LRRTM3: variants seen among roughly 807,000 people sequenced by gnomAD.
LRRTM3 encodes the protein leucine-rich repeat transmembrane neuronal protein 3.
Under a neutral mutation model 44.7 loss-of-function variants are expected in LRRTM3, and 24 were observed. The ratio of observed to expected loss-of-function variants is 0.54; its 90% confidence interval spans 0.39 to 0.76. LRRTM3 has a LOEUF of 0.76. Among genes scored for constraint, LRRTM3 ranks in the 30% least tolerant of loss-of-function variants. The pLI is 0.00. For synonymous variants in LRRTM3, 277 were observed against 278.7 expected (o/e 0.99, Z 0.06); for missense variants, 587 against 702.2 (o/e 0.84, Z 1.85).
chr10:66,998,420 CA>C (rs1400315422), intron 2 of LRRTM3, among the ~76,000 whole-genome samples: 3 of 152,048 alleles, frequency 2.0e-5, no homozygotes, highest in Non-Finnish European at 4.4e-5. Context: ...CAAAATATAT[CA>C]ATAACCCAAT....
At chr10:66,963,560 T>C (rs1169518004) in intron 2 of LRRTM3, among the ~76,000 whole-genome samples, 1 of 152,156 alleles carries the variant, frequency 6.6e-6, no homozygotes, top group Non-Finnish European at 1.5e-5. Context: ...TCAGATGAAC[T>C]GATCACCTGC....
At chr10:67,085,186 T>A (rs1857232912) in intron 2 of LRRTM3, among the ~76,000 whole-genome samples, 1 of 151,986 alleles carries the variant, frequency 6.6e-6, no homozygotes, top group African/African-American at 2.4e-5. Flanking sequence ...ACATTTTTTA[T>A]GTAGTTTATT....
chr10:67,050,146 G>T (rs906072733), intron 2 of LRRTM3, among the ~76,000 whole-genome samples: 3 of 152,130 alleles, frequency 2.0e-5, no homozygotes, highest in Non-Finnish European at 4.4e-5. Context: ...AAACTTTTCT[G>T]CTGTGTTGCA....
At chr10:66,947,990 G>A (rs1848359071) in intron 2 of LRRTM3, among the ~76,000 whole-genome samples, 1 of 152,210 alleles carries the variant, frequency 6.6e-6, no homozygotes, top group African/African-American at 2.4e-5. Flanking sequence ...GAACTTACTT[G>A]TATAGCAAGT....
intron 2 of LRRTM3, among the ~76,000 whole-genome samples, chr10:67,036,923 A>T (rs909651830): frequency 6.6e-6 from 1 of 152,190 alleles, no homozygotes; most frequent in Non-Finnish European, 1.5e-5. Flanking sequence ...AGGAAAGGGT[A>T]GTTGTTTTAA....
chr10:67,045,729 C>G (rs547726077), intron 2 of LRRTM3, among the ~76,000 whole-genome samples: 1 of 152,236 alleles, frequency 6.6e-6, no homozygotes, highest in South Asian at 2.1e-4. Flanking sequence ...CCGAGACCAG[C>G]CAAGGCCCCC....
chr10:66,935,343 G>C (rs1391905995), intron 2 of LRRTM3, among the ~76,000 whole-genome samples: 1 of 152,056 alleles, frequency 6.6e-6, no homozygotes, highest in African/African-American at 2.4e-5. Flanking sequence ...GAAAACTCTA[G>C]GAAGTTTACC....
intron 2 of LRRTM3, among the ~76,000 whole-genome samples, chr10:67,035,171 T>A (rs539413279): frequency 4.1e-4 from 62 of 152,342 alleles, no homozygotes; most frequent in South Asian, 1.0e-3. Flanking sequence ...TACAAGTTCC[T>A]TACCCATATG....
chr10:66,954,244 T>C (rs770919840), intron 2 of LRRTM3, among the ~76,000 whole-genome samples: 6 of 152,204 alleles, frequency 3.9e-5, no homozygotes, highest in Non-Finnish European at 8.8e-5. Context: ...TGTAACCATA[T>C]AGTATTTGAC....
At position 67,060,773 on chromosome 10, in the gene LRRTM3, G is replaced by A. The variant is rs976147073; in HGVS notation, c.1537-36814G>A. Among the ~76,000 whole-genome samples the A allele has an allele frequency of 2.0e-5, 3 of 152,192 alleles. No individual in the cohort carries two copies. In the East Asian group the frequency reaches 5.8e-4, roughly 29 times the overall value. ...TGCCTCTGTCAGCCTAGGTTCCTGA[G>A]TGACTATGGTCCTTAAAACTAGGTG... On this transcript the variant is annotated intron_variant, in intron 2 of 2. Coordinates refer to ENST00000361320, the MANE Select transcript of LRRTM3 (RefSeq NM_178011.5).
chr10:66,962,722 A>G (rs1309458580), intron 2 of LRRTM3, among the ~76,000 whole-genome samples: 1 of 151,994 alleles, frequency 6.6e-6, no homozygotes, highest in East Asian at 1.9e-4. Flanking sequence ...ACCTCCTCTA[A>G]GTCTTTATTC....
Position 66,943,490 on chromosome 10 carries a change from A to G in LRRTM3, c.1536+15038A>G, listed in dbSNP as rs1211694036. Among the ~76,000 whole-genome samples, 4 of 145,870 alleles carry G rather than the reference A, an allele frequency of 2.7e-5. No homozygotes were observed. In the Admixed American group the frequency reaches 2.9e-4, roughly 10 times the overall value. On this transcript the variant is annotated intron_variant, in intron 2 of 2. Transcript: ENST00000361320. The stretch of plus-strand genomic sequence containing the variant: ...CTGAAATCCTGGGAAGCCTATCTAC[A>G]TCCTGATCCCAAATCCAATTCCCCC...
At chr10:67,019,046 C>G (rs1454004409) in intron 2 of LRRTM3, among the ~76,000 whole-genome samples, 3 of 152,148 alleles carry the variant, frequency 2.0e-5, no homozygotes, top group African/African-American at 7.2e-5. Context: ...TATTACATAT[C>G]TAATGAATAC....
intron 2 of LRRTM3, among the ~76,000 whole-genome samples, chr10:66,979,942 G>A (rs934946868): frequency 2.6e-5 from 4 of 152,112 alleles, no homozygotes; most frequent in Admixed American, 6.5e-5. Context: ...CTCAAGTACT[G>A]TTGGAACACC....
intron 2 of LRRTM3, among the ~76,000 whole-genome samples, chr10:66,996,647 T>TAAAAAAAA (rs1440460577): frequency 1.1e-4 from 1 of 8,956 alleles, no homozygotes; most frequent in Non-Finnish European, 1.8e-4. Flanking sequence ...ACTCCGTCTC[T>TAAAAAAAA]ACAAAAAAAA....
At chr10:67,071,124 C>T (rs930349445) in intron 2 of LRRTM3, among the ~76,000 whole-genome samples, 8 of 152,170 alleles carry the variant, frequency 5.3e-5, no homozygotes, top group Non-Finnish European at 1.2e-4. Flanking sequence ...TTAAATTTCA[C>T]AAAGCATCAC....
chr10:67,056,528 C>T (rs1855441753), intron 2 of LRRTM3, among the ~76,000 whole-genome samples: 3 of 152,306 alleles, frequency 2.0e-5, no homozygotes, highest in Admixed American at 1.3e-4. Context: ...TCTGTAAACA[C>T]TGTACTTCTT....
At chr10:67,052,530 G>C (rs3818444) in intron 2 of LRRTM3, 1 of 152,058 alleles carries the variant, frequency 6.6e-6, no homozygotes, top group Non-Finnish European at 1.5e-5. Context: ...TGGTGATCAA[G>C]AAAGACAGCA....
intron 2 of LRRTM3, among the ~76,000 whole-genome samples, chr10:67,030,201 G>A (rs370591681): frequency 3.3e-5 from 5 of 152,286 alleles, no homozygotes; most frequent in Non-Finnish European, 7.4e-5. Context: ...TTCATTTATT[G>A]CATTTTTACA....
Sources: allele counts gnomAD v4.1 joint callset (sites outside exome capture counted in the v4.1 genomes callset), GRCh38; gene constraint gnomAD v4.1.1; transcripts MANE v1.5; gene names NCBI Gene and HGNC (gene_info 2026-07-23, HGNC 2026-07-21).